Variants in SH3PXD2B observed in about 807,000 individuals in gnomAD.
SH3PXD2B encodes SH3 and PX domains 2B.
Under a neutral mutation model 73.1 loss-of-function variants are expected in SH3PXD2B, and 37 were observed. The observed-to-expected ratio is 0.51, with a 90% CI of 0.39 to 0.67. SH3PXD2B has a LOEUF of 0.67. Among genes scored for constraint, SH3PXD2B ranks in the 30% least tolerant of loss-of-function variants. The pLI is 0.00. For missense variants in SH3PXD2B, 1,053 were observed against 1,197.8 expected (o/e 0.88, Z 1.78); for synonymous variants, 457 against 480.5 (o/e 0.95, Z 0.64).
At chr5:172,370,421 T>C (rs1409035323) in intron 6 of SH3PXD2B, among the ~76,000 whole-genome samples, 1 of 152,204 alleles carries the variant, frequency 6.6e-6, no homozygotes, top group Non-Finnish European at 1.5e-5. Flanking sequence ...GGCAAAACTA[T>C]GAGCAGTGAC....
chr5:172,380,665 TATG>T (rs1280829573), intron 5 of SH3PXD2B, among the ~76,000 whole-genome samples: 2 of 152,238 alleles, frequency 1.3e-5, no homozygotes, highest in Non-Finnish European at 2.9e-5. Flanking sequence ...TCTGTATCTT[TATG>T]ATTATTTTCA....
intron 7 of SH3PXD2B, among the ~76,000 whole-genome samples, chr5:172,359,259 T>G (rs1265238010): frequency 1.3e-5 from 2 of 151,724 alleles, no homozygotes; most frequent in Admixed American, 1.3e-4. Context: ...TGGTGGTGCA[T>G]GCTTGTAGTC....
chr5:172,372,343 CTT>C (rs569774872), intron 6 of SH3PXD2B, among the ~76,000 whole-genome samples: 162 of 152,180 alleles, frequency 1.1e-3, no homozygotes, highest in African/African-American at 3.2e-3. Context: ...CCCTCTCTCT[CTT>C]GGTCCTGCTC....
At chr5:172,412,223 G>C (rs891549472) in intron 2 of SH3PXD2B, among the ~76,000 whole-genome samples, 1 of 152,150 alleles carries the variant, frequency 6.6e-6, no homozygotes, top group Non-Finnish European at 1.5e-5. Context: ...GGACTGCCCG[G>C]GTGGCCCCGT....
intron 1 of SH3PXD2B, among the ~76,000 whole-genome samples, chr5:172,425,822 AT>A (rs1395907142): frequency 1.6e-4 from 25 of 152,246 alleles, no homozygotes; most frequent in Non-Finnish European, 3.7e-4. Flanking sequence ...CCAGTAAGGC[AT>A]CTTTTGCACC....
chr5:172,329,008 CAT>C (rs929655947), downstream of SH3PXD2B, among the ~76,000 whole-genome samples: 1 of 140,078 alleles, frequency 7.1e-6, no homozygotes, highest in Non-Finnish European at 1.5e-5. Context: ...TAGATACACA[CAT>C]ATATATACAT....
chr5:172,331,978 T>C (rs1030800241), downstream of SH3PXD2B, among the ~76,000 whole-genome samples: 1 of 151,922 alleles, frequency 6.6e-6, no homozygotes, highest in African/African-American at 2.4e-5. Context: ...AACAATATGA[T>C]AGGGAATGGC....
At chr5:172,448,819 C>A (rs1561587702) in intron 1 of SH3PXD2B, among the ~76,000 whole-genome samples, 1 of 152,236 alleles carries the variant, frequency 6.6e-6, no homozygotes, top group Admixed American at 6.5e-5. Context: ...ACCTCTAACA[C>A]CCGAGTTCTT....
intron 1 of SH3PXD2B, among the ~76,000 whole-genome samples, chr5:172,440,906 C>T (rs930914839): frequency 3.3e-5 from 5 of 152,122 alleles, no homozygotes; most frequent in Non-Finnish European, 5.9e-5. Context: ...TGCTAAGAAC[C>T]TGTCTCTTGG....
chr5:172,366,932 AT>A (rs1262636786), intron 6 of SH3PXD2B, among the ~76,000 whole-genome samples: 1,446 of 75,100 alleles, frequency 0.019, 11 homozygotes, highest in South Asian at 0.055. Context: ...GTGCCCGGCC[AT>A]TTTTTTTTTT....
At position 172,336,532 on chromosome 5, in the gene SH3PXD2B, A is replaced by T. The variant is rs1241611887; in HGVS notation, c.*1837T>A. 2 of 984,258 alleles carry T rather than the reference A, an allele frequency of 2.0e-6. No homozygotes were observed. Among genetic ancestry groups the T allele is most frequent in the Non-Finnish European group, 2.4e-6 (2 of 829,232 alleles). 61.0% of individuals were successfully genotyped at this position (984,258 alleles called of 1,614,324 possible). ...CGCAGAAGCAGCCAGCACCCACGTG[A>T]TAGGGGGTGGAGCTGGGAGGCGCGG... On this transcript the variant is annotated 3_prime_UTR_variant, in exon 13 of 13. Coordinates refer to ENST00000311601, the MANE Select transcript of SH3PXD2B (RefSeq NM_001017995.3).
At chr5:172,439,690 G>GCACACACACACACACACACACACACA (rs1488784600) in intron 1 of SH3PXD2B, among the ~76,000 whole-genome samples, 5 of 113,152 alleles carry the variant, frequency 4.4e-5, no homozygotes, top group Admixed American at 9.2e-5. Flanking sequence ...GCGCACGCGC[G>GCACACACACACACACACACACACACA]CGCACACACA....
intron 1 of SH3PXD2B, among the ~76,000 whole-genome samples, chr5:172,428,217 A>G (rs1017612217): frequency 2.0e-5 from 3 of 152,244 alleles, no homozygotes; most frequent in Non-Finnish European, 4.4e-5. Flanking sequence ...TATGCAGAAT[A>G]CATTTCTTGA....
intron 2 of SH3PXD2B, among the ~76,000 whole-genome samples, chr5:172,414,641 G>A (rs896933398): frequency 2.0e-5 from 3 of 152,138 alleles, no homozygotes; most frequent in Middle Eastern, 3.2e-3. Context: ...GTAAGCCCCT[G>A]AGCCTAGCAG....
At position 172,339,114 on chromosome 5, in the gene SH3PXD2B, C is replaced by T. The variant is rs1284013334; in HGVS notation, c.1991G>A (p.Cys664Tyr). The part of the protein sequence containing the change: ...PPQGEDQVDI[C>Y]NLRSKLRPAK... ...AGGCCTGAGCTTACTCCTGAGGTTG[C>T]AGATGTCGACTTGGTCTTCGCCCTG... is the stretch of plus-strand genomic sequence containing the variant. Residue 664 changes from cysteine (C) to tyrosine (Y), a missense_variant, in exon 13 of 13, where the codon TGC (cysteine) becomes TAC (tyrosine). By Grantham distance (194) the Cys-to-Tyr change is radical. Coordinates refer to ENST00000311601, the MANE Select transcript of SH3PXD2B (RefSeq NM_001017995.3). The surrounding 1 kb of genome is among the most constrained non-coding windows in gnomAD (Gnocchi z 6.1). 3.1e-6 allele frequency: 5 copies of T among 1,614,224 alleles called. No individual in the cohort carries two copies. The highest frequency in any genetic ancestry group is 4.2e-6 in the Non-Finnish European group (5 of 1,180,052).
intron 1 of SH3PXD2B, among the ~76,000 whole-genome samples, chr5:172,439,238 GA>G (rs922645535): frequency 8.7e-4 from 29 of 33,212 alleles, no homozygotes; most frequent in South Asian, 3.4e-3. Flanking sequence ...AGAAAAAACA[GA>G]AAAAAAAAAA....
At chr5:172,406,597 C>T (rs1360013782) in intron 2 of SH3PXD2B, among the ~76,000 whole-genome samples, 1 of 152,112 alleles carries the variant, frequency 6.6e-6, no homozygotes, top group Non-Finnish European at 1.5e-5. Context: ...GAGACCATTC[C>T]CGGCTTTCCT....
intron 8 of SH3PXD2B, 69 bp from the exon 9 acceptor site, chr5:172,354,074 G>T: frequency 2.1e-6 from 3 of 1,433,084 alleles, no homozygotes; most frequent in Non-Finnish European, 3.0e-6. Flanking sequence ...TAATCCCCGT[G>T]ATGCCCTTGC....
intron 3 of SH3PXD2B, among the ~76,000 whole-genome samples, chr5:172,404,411 C>T (rs1484001698): frequency 6.6e-6 from 1 of 152,132 alleles, no homozygotes; most frequent in African/African-American, 2.4e-5. Context: ...CAAGCCTCAG[C>T]CTCCCAAGTA....
Sources: gnomAD v4.1 joint callset for allele counts (sites outside exome capture counted in the v4.1 genomes callset) on GRCh38, gnomAD v4.1.1 for gene constraint, Gnocchi (gnomAD v3.1) non-coding constraint, MANE v1.5 for transcripts, NCBI Gene and HGNC (gene_info 2026-07-23, HGNC 2026-07-21) for gene names.